The following PABPC4L variants were observed in gnomAD, a reference collection of about 807,000 sequenced individuals.
The protein encoded by PABPC4L is poly(A) binding protein cytoplasmic 4 like.
For missense variants in PABPC4L, 452 were observed against 451.4 expected (o/e 1.00, Z -0.01); for synonymous variants, 169 against 164.1 (o/e 1.03, Z -0.23).
the PABPC4L span, among the ~76,000 whole-genome samples, chr4:134,041,367 A>T: frequency 6.6e-6 from 1 of 152,148 alleles, no homozygotes; most frequent in Non-Finnish European, 1.5e-5. Flanking sequence ...AATATGGCAC[A>T]TATACACCAT....
chr4:134,131,008 C>T, the PABPC4L span, among the ~76,000 whole-genome samples: 1 of 151,998 alleles, frequency 6.6e-6, no homozygotes, highest in Non-Finnish European at 1.5e-5. Flanking sequence ...ATGATTAAAA[C>T]TCACAGCAAA....
At chr4:134,063,470 T>C in the PABPC4L span, among the ~76,000 whole-genome samples, 1 of 152,006 alleles carries the variant, frequency 6.6e-6, no homozygotes, top group African/African-American at 2.4e-5. Context: ...GGTAAATACA[T>C]GGGTAACCTA....
the PABPC4L span, among the ~76,000 whole-genome samples, chr4:134,037,407 CTATTG>C: frequency 6.6e-6 from 1 of 151,864 alleles, no homozygotes; most frequent in Non-Finnish European, 1.5e-5. Flanking sequence ...TTTTGTATTT[CTATTG>C]TAAAAGGGAT....
At chr4:134,167,063 A>G in the PABPC4L span, among the ~76,000 whole-genome samples, 1 of 152,154 alleles carries the variant, frequency 6.6e-6, no homozygotes, top group Non-Finnish European at 1.5e-5. Flanking sequence ...AAAGTAATCC[A>G]ATTGAATGAG....
At chr4:134,060,028 T>C in the PABPC4L span, among the ~76,000 whole-genome samples, 2 of 152,052 alleles carry the variant, frequency 1.3e-5, no homozygotes, top group African/African-American at 4.8e-5. Flanking sequence ...ATCTGTATGC[T>C]TGGAGGAGGG....
the PABPC4L span, among the ~76,000 whole-genome samples, chr4:134,053,224 AAC>A: frequency 6.6e-6 from 1 of 152,154 alleles, no homozygotes; most frequent in African/African-American, 2.4e-5. Context: ...CTTGATCTGT[AAC>A]AGTTTCCAGA....
At chr4:134,193,324 C>A (rs1271695363), downstream of PABPC4L, among the ~76,000 whole-genome samples, 1 of 151,674 alleles carries the variant, frequency 6.6e-6, no homozygotes, top group Non-Finnish European at 1.5e-5. Flanking sequence ...AATAAATATA[C>A]CCATCCTATA....
chr4:133,949,063 T>C, the PABPC4L span, among the ~76,000 whole-genome samples: 1 of 152,158 alleles, frequency 6.6e-6, no homozygotes, highest in East Asian at 1.9e-4. Context: ...AGTAGCTAGT[T>C]TATTGTGATT....
the PABPC4L span, among the ~76,000 whole-genome samples, chr4:134,028,559 C>T: frequency 6.6e-6 from 1 of 151,908 alleles, no homozygotes; most frequent in Non-Finnish European, 1.5e-5. Flanking sequence ...TGTTAATAGG[C>T]CTTTAGTGCA....
the PABPC4L span, among the ~76,000 whole-genome samples, chr4:134,109,245 T>C: frequency 6.6e-6 from 1 of 152,156 alleles, no homozygotes; most frequent in South Asian, 2.1e-4. Context: ...TACATCTTTA[T>C]GTATACATAA....
At chr4:133,993,634 G>T in the PABPC4L span, among the ~76,000 whole-genome samples, 5 of 152,258 alleles carry the variant, frequency 3.3e-5, no homozygotes, top group Admixed American at 3.3e-4. Flanking sequence ...CTATGAGCTG[G>T]CAATCTGGGC....
At chr4:134,150,171 C>T in the PABPC4L span, among the ~76,000 whole-genome samples, 1 of 151,700 alleles carries the variant, frequency 6.6e-6, no homozygotes, top group Non-Finnish European at 1.5e-5. Flanking sequence ...CAACCTCCGC[C>T]TCCCGGGTTC....
the PABPC4L span, among the ~76,000 whole-genome samples, chr4:134,121,336 T>A: frequency 2.0e-5 from 3 of 151,744 alleles, no homozygotes; most frequent in East Asian, 5.8e-4. Context: ...TTCCTTCGAG[T>A]TTTGTAACAT....
the PABPC4L span, among the ~76,000 whole-genome samples, chr4:134,159,455 C>G: frequency 3.9e-5 from 6 of 152,076 alleles, 1 homozygote; most frequent in Non-Finnish European, 8.8e-5. Context: ...CCCTCAAGCC[C>G]AGACAGCACA....
At chr4:133,949,256 A>G in the PABPC4L span, among the ~76,000 whole-genome samples, 2 of 152,224 alleles carry the variant, frequency 1.3e-5, no homozygotes, top group South Asian at 2.1e-4. Flanking sequence ...ATTTCAGAAC[A>G]TAAATATTTG....
At chr4:134,169,951 G>A in the PABPC4L span, among the ~76,000 whole-genome samples, 1 of 152,018 alleles carries the variant, frequency 6.6e-6, no homozygotes, top group African/African-American at 2.4e-5. Flanking sequence ...ACCCGTGTTT[G>A]GTATACAAAT....
the PABPC4L span, among the ~76,000 whole-genome samples, chr4:134,079,320 G>A: frequency 1.9e-3 from 289 of 151,272 alleles, 1 homozygote; most frequent in African/African-American, 6.6e-3. Flanking sequence ...GGTGGCTCAC[G>A]CCTGTAATTC....
the PABPC4L span, among the ~76,000 whole-genome samples, chr4:134,131,117 C>A: frequency 6.6e-6 from 1 of 151,994 alleles, no homozygotes; most frequent in Non-Finnish European, 1.5e-5. Context: ...AAGCATCCCC[C>A]CTGAGAACTG....
At chr4:134,135,184 G>T in the PABPC4L span, among the ~76,000 whole-genome samples, 1 of 152,006 alleles carries the variant, frequency 6.6e-6, no homozygotes, top group African/African-American at 2.4e-5. Flanking sequence ...CATTACATTA[G>T]AAAAACAAGC....
Sources: gnomAD v4.1 joint callset for allele counts (sites outside exome capture counted in the v4.1 genomes callset) on GRCh38, gnomAD v4.1.1 for gene constraint, MANE v1.5 for transcripts, NCBI Gene and HGNC (gene_info 2026-07-23, HGNC 2026-07-21) for gene names.